Variants in SYT1 observed in about 807,000 individuals in gnomAD.
SYT1 encodes synaptotagmin 1.
SYT1 carries 8 observed loss-of-function variants against 44.8 expected under a neutral mutation model. That is an observed-to-expected ratio of 0.18 (90% CI 0.10 to 0.32). SYT1 has a LOEUF of 0.32. SYT1 is among the 10% of genes least tolerant of loss of function. SYT1 has a pLI of 1.00. For synonymous variants in SYT1, 154 were observed against 188.8 expected (o/e 0.82, Z 1.51); for missense variants, 286 against 509.3 (o/e 0.56, Z 4.22).
intron 3 of SYT1, among the ~76,000 whole-genome samples, chr12:79,170,208 A>G (rs1394606373): frequency 6.6e-6 from 1 of 152,132 alleles, no homozygotes; most frequent in Non-Finnish European, 1.5e-5. Flanking sequence ...CTTTGAGTAT[A>G]TACCCAGTAA....
chr12:78,969,398 A>T (rs1565741691), intron 1 of SYT1, among the ~76,000 whole-genome samples: 1 of 152,184 alleles, frequency 6.6e-6, no homozygotes, highest in Non-Finnish European at 1.5e-5. Context: ...ATAAAAGAAT[A>T]AGCCAGGTTA....
intron 3 of SYT1, among the ~76,000 whole-genome samples, chr12:79,052,852 A>G (rs1215883232): frequency 6.6e-6 from 1 of 152,096 alleles, no homozygotes; most frequent in Non-Finnish European, 1.5e-5. Flanking sequence ...AAAAGTCAGG[A>G]AACAACAGGT....
chr12:79,093,567 T>A (rs762003050), intron 3 of SYT1, among the ~76,000 whole-genome samples: 5 of 151,716 alleles, frequency 3.3e-5, no homozygotes, highest in Non-Finnish European at 7.4e-5. Context: ...CTGAAACCTT[T>A]ATAATAATTT....
intron 1 of SYT1, among the ~76,000 whole-genome samples, chr12:78,975,127 C>T (rs1868727995): frequency 6.6e-6 from 1 of 151,230 alleles, no homozygotes; most frequent in South Asian, 2.1e-4. Flanking sequence ...CCCCCAAACC[C>T]GACTAACTCC....
Position 79,299,539 on chromosome 12 carries a change from T to C in SYT1, c.798T>C (p.Ala266=). The C allele has an allele frequency of 6.2e-7, 1 of 1,612,692 alleles. No homozygotes were observed. Among genetic ancestry groups the C allele is most frequent in the Non-Finnish European group, 8.5e-7 (1 of 1,179,280 alleles). Residue 266 remains alanine (A), a synonymous_variant, in exon 8 of 11, where the codon GCT becomes GCC. Coordinates refer to ENST00000261205, the MANE Select transcript of SYT1 (RefSeq NM_005639.3). ...AGGAATGGCGTGACCTGCAAAGTGC[T>C]GAGAAGGAAGAGGTAAGGGAATTAC... ...VTEEWRDLQS[A]EKEEQEKLGD...
intron 3 of SYT1, among the ~76,000 whole-genome samples, chr12:79,144,261 A>C (rs757919174): frequency 6.6e-6 from 1 of 152,234 alleles, no homozygotes; most frequent in Non-Finnish European, 1.5e-5. Flanking sequence ...AAGCAGAGTC[A>C]ATAACACCTA....
intron 3 of SYT1, among the ~76,000 whole-genome samples, chr12:79,215,023 A>C (rs759428200): frequency 6.6e-6 from 1 of 151,926 alleles, no homozygotes; most frequent in Non-Finnish European, 1.5e-5. Flanking sequence ...AGAAGTTAGG[A>C]CATCATTAAT....
chr12:79,130,005 A>G (rs1460110572), intron 3 of SYT1, among the ~76,000 whole-genome samples: 5 of 152,228 alleles, frequency 3.3e-5, no homozygotes, highest in African/African-American at 1.2e-4. Context: ...TTTTAGATTA[A>G]AAGTTTGCAG....
chr12:79,345,773 C>T (rs1392896680), intron 8 of SYT1, among the ~76,000 whole-genome samples: 1 of 152,142 alleles, frequency 6.6e-6, no homozygotes, highest in Admixed American at 6.6e-5. Flanking sequence ...CACATATTAT[C>T]TTATTAAAAT....
At chr12:79,356,948 C>T (rs1033902265) in intron 9 of SYT1, among the ~76,000 whole-genome samples, 1 of 151,928 alleles carries the variant, frequency 6.6e-6, no homozygotes, top group African/African-American at 2.4e-5. Context: ...TTACTTGCTT[C>T]AATGGGGAAA....
chr12:79,353,344 T>C (rs1470335478), intron 8 of SYT1, among the ~76,000 whole-genome samples, 158 bp from the exon 9 acceptor site: 1 of 152,132 alleles, frequency 6.6e-6, no homozygotes. Flanking sequence ...TCTTGATACC[T>C]TAGTCAATGA....
chr12:78,906,386 AG>A (rs1217437377), intron 1 of SYT1, among the ~76,000 whole-genome samples: 3 of 152,142 alleles, frequency 2.0e-5, no homozygotes, highest in Non-Finnish European at 4.4e-5. Flanking sequence ...CCTGATTCTA[AG>A]GGCTGAAGAT....
At chr12:79,145,749 T>TTTG (rs1052593831) in intron 3 of SYT1, among the ~76,000 whole-genome samples, 38 of 145,004 alleles carry the variant, frequency 2.6e-4, no homozygotes, top group East Asian at 1.6e-3. Context: ...TTTTTTTTTT[T>TTTG]TTTGTTTGTT....
intron 1 of SYT1, among the ~76,000 whole-genome samples, chr12:78,958,538 T>C (rs1879333438): frequency 6.6e-6 from 1 of 151,810 alleles, no homozygotes; most frequent in Non-Finnish European, 1.5e-5. Flanking sequence ...CTACTAAAAA[T>C]ACAAAAATAT....
At chr12:79,387,760 C>T (rs1002864691) in intron 9 of SYT1, among the ~76,000 whole-genome samples, 5 of 152,032 alleles carry the variant, frequency 3.3e-5, no homozygotes, top group Admixed American at 3.3e-4. Context: ...TTGGGGATAC[C>T]AATTAAGATT....
At chr12:79,179,237 TATATAG>T (rs1243937165) in intron 3 of SYT1, among the ~76,000 whole-genome samples, 1 of 65,798 alleles carries the variant, frequency 1.5e-5, no homozygotes, top group African/African-American at 2.1e-4. Context: ...TAGATATAGA[TATATAG>T]ATATAGATAT....
intron 1 of SYT1, chr12:78,926,480 T>C (rs985458750): frequency 6.6e-6 from 1 of 152,102 alleles, no homozygotes; most frequent in African/African-American, 2.4e-5. Flanking sequence ...ATTATTTTCC[T>C]ATTTTGTGAA....
intron 4 of SYT1, among the ~76,000 whole-genome samples, chr12:79,266,214 C>T (rs1381196660): frequency 2.0e-5 from 3 of 152,150 alleles, no homozygotes; most frequent in Non-Finnish European, 4.4e-5. Flanking sequence ...AAAGCAGTAT[C>T]CCTCTTCAGG....
In SYT1 at chr12:79,432,854, C is replaced by T. The variant is rs534339183; in HGVS notation, c.929-11219C>T. Among the ~76,000 whole-genome samples the T allele has an allele frequency of 1.9e-4, 29 of 152,206 alleles. No individual in the cohort carries two copies. In the South Asian group the frequency reaches 2.1e-3, roughly 11 times the overall value. ...GTTTCGAACTCTTGACCTCATGATC[C>T]GCCCATCTCGGCCTCCCAAAGTGCT... On this transcript the variant is annotated intron_variant, in intron 9 of 10. Coordinates refer to ENST00000261205, the MANE Select transcript of SYT1 (RefSeq NM_005639.3).
Sources: gnomAD v4.1 joint callset for allele counts (sites outside exome capture counted in the v4.1 genomes callset) on GRCh38, gnomAD v4.1.1 for gene constraint, MANE v1.5 for transcripts, NCBI Gene and HGNC (gene_info 2026-07-23, HGNC 2026-07-21) for gene names.